Variants in PSEN1 observed in about 807,000 individuals in gnomAD.
The protein encoded by PSEN1 is presenilin-1.
A neutral mutation model predicts 53.5 loss-of-function variants in PSEN1; 15 were observed. That is an observed-to-expected ratio of 0.28 (90% confidence interval 0.19 to 0.43). The LOEUF (loss-of-function observed/expected upper bound fraction) is 0.43. Ranked by LOEUF, PSEN1 falls within the 20% of genes least tolerant of loss-of-function variation. The probability of loss-of-function intolerance (pLI) is 1.00; values close to 1 mark genes in which losing one functional copy is unlikely to be tolerated. For missense variants in PSEN1, 387 were observed against 571.2 expected, an observed-to-expected ratio of 0.68 and a Z score of 3.29; for synonymous variants, 208 against 209.8, an observed-to-expected ratio of 0.99 and a Z score of 0.08.
At chr14:73,146,807 TATTA>T (rs1320142331) in intron 1 of PSEN1, among the ~76,000 whole-genome samples, 7 of 152,228 alleles carry the variant, frequency 4.6e-5, no homozygotes, top group Admixed American at 1.3e-4. Context: ...TATGGTAATG[TATTA>T]ATTAGCGTTA....
chr14:73,212,260 G>A (rs369148418), intron 10 of PSEN1, among the ~76,000 whole-genome samples: 56 of 151,604 alleles, frequency 3.7e-4, no homozygotes, highest in Non-Finnish European at 3.8e-4. Context: ...ACAGGCGTGC[G>A]CCACCACGCC....
chr14:73,179,078 A>G (rs574566198), intron 5 of PSEN1, among the ~76,000 whole-genome samples: 5 of 152,312 alleles, frequency 3.3e-5, no homozygotes, highest in Admixed American at 2.0e-4. Context: ...TGTGATCTCC[A>G]TGTGGTTTCT....
At chr14:73,193,305 G>A (rs186380728) in intron 7 of PSEN1, among the ~76,000 whole-genome samples, 5 of 151,892 alleles carry the variant, frequency 3.3e-5, no homozygotes. Flanking sequence ...ACAAGACCTT[G>A]TCTCAAAAAA....
In PSEN1 at chr14:73,173,669, A is replaced by C. The variant is rs747363386; in HGVS notation, c.442A>C (p.Ile148Leu). ...GATCAGTGTCATTGTTGTCATGACT[A>C]TCCTCCTGGTGGTTCTGTATAAATA... ...IMISVIVVMT[I>L]LLVVLYKYRC... The change falls in exon 5 of 12, where the codon ATC (isoleucine) becomes CTC (leucine). Residue 148 changes from isoleucine (I) to leucine (L), a missense_variant. Physicochemically the swap from Ile to Leu is conservative, Grantham distance 5. Transcript: ENST00000324501. The C allele has an allele frequency of 1.2e-6, 2 of 1,613,910 alleles. No individual in the cohort carries two copies. Among genetic ancestry groups the C allele is most frequent in the Non-Finnish European group, 1.7e-6 (2 of 1,179,912 alleles).
intron 7 of PSEN1, among the ~76,000 whole-genome samples, chr14:73,196,058 CAA>C (rs1390301659): frequency 2.0e-5 from 3 of 152,148 alleles, no homozygotes; most frequent in African/African-American, 4.8e-5. Flanking sequence ...TGCTTTTAAA[CAA>C]AAGAGATTTT....
intron 4 of PSEN1, among the ~76,000 whole-genome samples, chr14:73,173,333 C>CT (rs1897946391): frequency 2.6e-5 from 4 of 152,182 alleles, no homozygotes; most frequent in Admixed American, 2.0e-4. Context: ...CCAGTGTCTG[C>CT]TTCACATGTT....
intron 1 of PSEN1, among the ~76,000 whole-genome samples, chr14:73,142,061 C>T (rs149701354): frequency 0.023 from 3,412 of 147,874 alleles, 134 homozygotes; most frequent in African/African-American, 0.077. Flanking sequence ...AGGGAGACTC[C>T]GTCTCAAAAA....
chr14:73,181,778 T>A (rs1016309915), intron 5 of PSEN1, among the ~76,000 whole-genome samples: 3 of 152,106 alleles, frequency 2.0e-5, no homozygotes, highest in Non-Finnish European at 4.4e-5. Flanking sequence ...TTATTTTGTT[T>A]CGTATTTTTT....
chr14:73,164,424 A>G (rs1187230725), intron 3 of PSEN1, among the ~76,000 whole-genome samples: 1 of 152,242 alleles, frequency 6.6e-6, no homozygotes, highest in African/African-American at 2.4e-5. Context: ...GCACCTGCTA[A>G]TAGCCATAGG....
chr14:73,193,769 A>C (rs984311241), intron 7 of PSEN1, among the ~76,000 whole-genome samples: 1 of 151,754 alleles, frequency 6.6e-6, no homozygotes, highest in Non-Finnish European at 1.5e-5. Context: ...CGATCCTCCC[A>C]CTTCAGCCTC....
chr14:73,211,739 T>TAG (rs747622052), intron 9 of PSEN1, 30 bp from the exon 10 acceptor site: 1 of 1,613,006 alleles, frequency 6.2e-7, no homozygotes, highest in Non-Finnish European at 8.5e-7. Flanking sequence ...TTCTAAATAT[T>TAG]AGAGCTGTAA....
intron 3 of PSEN1, among the ~76,000 whole-genome samples, chr14:73,156,961 C>CT (rs750821984): frequency 2.0e-5 from 3 of 151,618 alleles, no homozygotes; most frequent in South Asian, 2.1e-4. Context: ...CACGCCTGGC[C>CT]TTTTTTTTAA....
chr14:73,184,866 G>A (rs1284242586), intron 5 of PSEN1, among the ~76,000 whole-genome samples: 4 of 144,954 alleles, frequency 2.8e-5, no homozygotes, highest in Non-Finnish European at 4.5e-5. Flanking sequence ...GCTGCCGGGC[G>A]GAGGGGCTCC....
At chr14:73,204,432 A>T (rs1899365335) in intron 8 of PSEN1, among the ~76,000 whole-genome samples, 2 of 151,734 alleles carry the variant, frequency 1.3e-5, no homozygotes, top group South Asian at 4.1e-4. Context: ...ACTATTTATG[A>T]TAATTAACAT....
At chr14:73,216,328 G>A (rs1445026781) in intron 10 of PSEN1, among the ~76,000 whole-genome samples, 1 of 152,190 alleles carries the variant, frequency 6.6e-6, no homozygotes, top group Non-Finnish European at 1.5e-5. Context: ...TGGGGCAATG[G>A]ACATGTGGAT....
chr14:73,182,341 A>C (rs1181896986), intron 5 of PSEN1, among the ~76,000 whole-genome samples: 1 of 151,990 alleles, frequency 6.6e-6, no homozygotes, highest in Admixed American at 6.6e-5. Flanking sequence ...AAAAATTAAA[A>C]AATTAGCCAG....
intron 5 of PSEN1, among the ~76,000 whole-genome samples, chr14:73,186,252 G>T (rs112724703): frequency 9.9e-5 from 15 of 152,246 alleles, no homozygotes; most frequent in African/African-American, 3.6e-4. Flanking sequence ...GGTGGCACAT[G>T]TCTGTAATCC....
chr14:73,138,781 A>T (rs1321927820), intron 1 of PSEN1, among the ~76,000 whole-genome samples: 8 of 147,330 alleles, frequency 5.4e-5, no homozygotes, highest in African/African-American at 2.0e-4. Context: ...AACACGGTGA[A>T]ACCCCATCTC....
chr14:73,181,942 G>A (rs1898228758), intron 5 of PSEN1, among the ~76,000 whole-genome samples: 1 of 151,934 alleles, frequency 6.6e-6, no homozygotes, highest in Non-Finnish European at 1.5e-5. Flanking sequence ...CCTAGCTAAT[G>A]TTCGTATTTT....
Sources: gnomAD v4.1 joint callset for allele counts (sites outside exome capture counted in the v4.1 genomes callset) on GRCh38, gnomAD v4.1.1 for gene constraint, MANE v1.5 for transcripts, NCBI Gene and HGNC (gene_info 2026-07-23, HGNC 2026-07-21) for gene names.